The following TECPR2 variants were observed in gnomAD, a reference collection of about 807,000 sequenced individuals.
TECPR2 encodes the protein tectonin beta-propeller repeat containing 2.
Under a neutral mutation model 138.1 loss-of-function variants are expected in TECPR2, and 65 were observed. The ratio of observed to expected loss-of-function variants is 0.47; its 90% CI spans 0.39 to 0.58. TECPR2 has a LOEUF of 0.58. Among genes scored for constraint, TECPR2 ranks in the 20% least tolerant of loss-of-function variants. The pLI, the probability that TECPR2 is intolerant of heterozygous loss-of-function variation, is 0.00. For synonymous variants in TECPR2, 746 were observed against 749.8 expected (o/e 0.99, Z 0.08); for missense variants, 1,553 against 1,824.5 (o/e 0.85, Z 2.71).
chr14:102,429,217 G>C (rs1280549797), intron 7 of TECPR2, among the ~76,000 whole-genome samples: 1 of 152,156 alleles, frequency 6.6e-6, no homozygotes, highest in African/African-American at 2.4e-5. Flanking sequence ...GCTTACATCA[G>C]ATAGTCTCAC....
At chr14:102,449,536 G>A in intron 13 of TECPR2, 93 bp from the exon 14 acceptor site, 1 of 1,552,718 alleles carries the variant, frequency 6.4e-7, no homozygotes, top group African/African-American at 1.4e-5. Context: ...AAATGCAGAG[G>A]TGTGGACCTG....
intron 4 of TECPR2, among the ~76,000 whole-genome samples, chr14:102,411,698 TCAAAA>T (rs1341177932): frequency 4.1e-4 from 4 of 9,670 alleles, no homozygotes; most frequent in Non-Finnish European, 7.6e-4. Flanking sequence ...GCCATGTTGC[TCAAAA>T]AAAAAAAAAA....
At chr14:102,440,321 C>A in intron 10 of TECPR2, 115 bp from the exon 11 acceptor site, 1 of 1,386,180 alleles carries the variant, frequency 7.2e-7, no homozygotes, top group Non-Finnish European at 9.8e-7. Context: ...CTTGGGGGGA[C>A]AGAACAGGAT....
intron 13 of TECPR2, among the ~76,000 whole-genome samples, chr14:102,448,600 T>C (rs1246421997): frequency 6.6e-6 from 1 of 152,158 alleles, no homozygotes; most frequent in East Asian, 1.9e-4. Flanking sequence ...GCATGGTGGC[T>C]CACACCTGTA....
chr14:102,393,301 T>G (rs1888227705), intron 2 of TECPR2, among the ~76,000 whole-genome samples: 2 of 152,230 alleles, frequency 1.3e-5, no homozygotes, highest in African/African-American at 4.8e-5. Flanking sequence ...TGTTTTGGGA[T>G]AGCTAGGCTA....
At chr14:102,465,647 T>A (rs1197070649) in intron 17 of TECPR2, 1 of 989,682 alleles carries the variant, frequency 1.0e-6, no homozygotes, top group African/African-American at 1.7e-5. Flanking sequence ...CCCAGAAGTA[T>A]AAAGAAGGTA....
chr14:102,456,266 A>G lies in TECPR2; in HGVS notation c.3640+3639A>G, dbSNP rs2139760579. 1.3e-5 allele frequency among the ~76,000 whole-genome samples: 2 copies of G among 152,066 alleles called. 1 individual carries two copies. The highest frequency in any genetic ancestry group is 2.9e-5 in the Non-Finnish European group (2 of 68,032). ...TGCCCCAGTTTGTGCCACAGGGAGG[A>G]CAAATCCAGCATCTCTTGTTAAAGC... On this transcript the variant is annotated intron_variant, in intron 16 of 19. Transcript: ENST00000359520.
At chr14:102,418,293 G>T (rs372633069) in intron 5 of TECPR2, among the ~76,000 whole-genome samples, 8 of 152,208 alleles carry the variant, frequency 5.3e-5, no homozygotes, top group East Asian at 3.8e-4. Context: ...CCTCATCGGG[G>T]GATATCTGTG....
intron 9 of TECPR2, among the ~76,000 whole-genome samples, chr14:102,436,571 C>T (rs1025150429): frequency 7.9e-5 from 12 of 152,232 alleles, no homozygotes; most frequent in African/African-American, 2.4e-4. Flanking sequence ...CTGCCTGCCT[C>T]GGCTTCCCAA....
intron 2 of TECPR2, among the ~76,000 whole-genome samples, chr14:102,381,613 A>T (rs1405779886): frequency 6.6e-6 from 1 of 152,176 alleles, no homozygotes; most frequent in Non-Finnish European, 1.5e-5. Flanking sequence ...TCAACCCGAA[A>T]TTCTTTACTC....
At position 102,443,845 on chromosome 14, in the gene TECPR2, A is replaced by C; in HGVS notation, c.2933+18A>C. 1.3e-6 allele frequency: 2 copies of C among 1,534,556 alleles called. No individual in the cohort carries two copies. The highest frequency in any genetic ancestry group is 2.3e-5 in the East Asian group (1 of 43,292). On this transcript the variant is annotated intron_variant, in intron 12 of 19. Coordinates refer to ENST00000359520, the MANE Select transcript of TECPR2 (RefSeq NM_014844.5). The surrounding 1 kb of genome is among the most constrained non-coding windows in gnomAD (Gnocchi z 4.9). ...ATTGTCAGGTACTGGCGGGCCAGAG[A>C]CTCCTTTCACATCGTGCTTGTCCTA...
intron 17 of TECPR2, among the ~76,000 whole-genome samples, chr14:102,467,735 G>A (rs1238609669): frequency 6.6e-6 from 1 of 152,014 alleles, no homozygotes; most frequent in Non-Finnish European, 1.5e-5. Context: ...TCTCATTGTG[G>A]GTTTGATTTG....
chr14:102,367,645 C>T (rs973494804), intron 1 of TECPR2, among the ~76,000 whole-genome samples: 1 of 152,086 alleles, frequency 6.6e-6, no homozygotes, highest in Non-Finnish European at 1.5e-5. Context: ...TTTGTTTGTC[C>T]ATTCATCAGT....
chr14:102,477,836 G>A (rs748220306), intron 17 of TECPR2, among the ~76,000 whole-genome samples: 15 of 140,858 alleles, frequency 1.1e-4, no homozygotes, highest in African/African-American at 3.4e-4. Context: ...TCAGGAGGCC[G>A]AGGCAGGAGA....
At chr14:102,376,294 T>G (rs1243996352) in intron 1 of TECPR2, among the ~76,000 whole-genome samples, 1 of 152,220 alleles carries the variant, frequency 6.6e-6, no homozygotes, top group African/African-American at 2.4e-5. Flanking sequence ...TCTCTCCTCA[T>G]GAAAACCCAC....
At chr14:102,386,116 C>T (rs991900760) in intron 2 of TECPR2, among the ~76,000 whole-genome samples, 15 of 151,952 alleles carry the variant, frequency 9.9e-5, no homozygotes, top group Admixed American at 8.5e-4. Flanking sequence ...ATTTTTTGAG[C>T]GCCCATTATA....
chr14:102,437,641 CA>C (rs1411502804), intron 9 of TECPR2, among the ~76,000 whole-genome samples: 1 of 152,066 alleles, frequency 6.6e-6, no homozygotes, highest in South Asian at 2.1e-4. Context: ...GATTAGACTA[CA>C]AAAAATTGAC....
At chr14:102,493,803 CCTTGGATCT>C (rs1891210824) in intron 17 of TECPR2, among the ~76,000 whole-genome samples, 2 of 152,322 alleles carry the variant, frequency 1.3e-5, no homozygotes, top group South Asian at 4.1e-4. Flanking sequence ...CCCTCGGATC[CCTTGGATCT>C]CACCGGTGCA....
intron 17 of TECPR2, among the ~76,000 whole-genome samples, chr14:102,490,389 G>A (rs1891127520): frequency 6.6e-6 from 1 of 152,236 alleles, no homozygotes; most frequent in Non-Finnish European, 1.5e-5. Context: ...CCCAGGGTGT[G>A]CCCAGAGCCC....
Sources: gnomAD v4.1 joint callset for allele counts (sites outside exome capture counted in the v4.1 genomes callset) on GRCh38, gnomAD v4.1.1 for gene constraint, Gnocchi (gnomAD v3.1) non-coding constraint, MANE v1.5 for transcripts, NCBI Gene and HGNC (gene_info 2026-07-23, HGNC 2026-07-21) for gene names.